ABI3BP: variants seen among roughly 807,000 people sequenced by gnomAD.
ABI3BP encodes target of Nesh-SH3.
In ABI3BP, 216 loss-of-function variants were observed where a neutral mutation model predicts 268.6. The ratio of observed to expected loss-of-function variants is 0.80; its 90% CI spans 0.72 to 0.90. ABI3BP has a LOEUF of 0.90. Ranked by LOEUF, ABI3BP falls within the 40% of genes least tolerant of loss-of-function variation. The probability of loss-of-function intolerance (pLI) is 0.00; values close to 1 mark genes in which losing one functional copy is unlikely to be tolerated. For synonymous variants in ABI3BP, 730 were observed against 730.0 expected (o/e 1.00, Z 0.00); for missense variants, 2,090 against 2,182.4 (o/e 0.96, Z 0.84).
At chr3:100,768,235 C>T (rs1026673377) in intron 62 of ABI3BP, among the ~76,000 whole-genome samples, 8 of 151,978 alleles carry the variant, frequency 5.3e-5, no homozygotes, top group Admixed American at 2.6e-4. Context: ...GCTACAGGCG[C>T]CCGCCACCAC....
intron 14 of ABI3BP, among the ~76,000 whole-genome samples, chr3:100,859,037 G>A (rs2098968540): frequency 6.6e-6 from 1 of 152,042 alleles, no homozygotes; most frequent in Non-Finnish European, 1.5e-5. Context: ...TACTGCCTTG[G>A]ACCCTTCCCT....
intron 21 of ABI3BP, among the ~76,000 whole-genome samples, chr3:100,841,388 C>A (rs2098700367): frequency 5.3e-5 from 8 of 151,720 alleles, no homozygotes; most frequent in Admixed American, 5.3e-4. Flanking sequence ...TAAATATATC[C>A]TATGAAAGTC....
At position 100,894,965 on chromosome 3, in the gene ABI3BP, A is replaced by AAAAAAC. The variant is rs760156604; in HGVS notation, c.461+3796_461+3797insGTTTTT. Among the ~76,000 whole-genome samples, 31 of 120,874 alleles carry AAAAAAC rather than the reference A, an allele frequency of 2.6e-4. 1 individual carries two copies. Among genetic ancestry groups the AAAAAAC allele is most frequent in the Non-Finnish European group, 4.7e-4 (24 of 51,386 alleles). 79.3% of individuals were successfully genotyped at this position (120,874 alleles called of 152,430 possible). A position where few individuals can be genotyped will look rare whatever the true frequency, so the allele number is the denominator to read the frequency against. On this transcript the variant is annotated intron_variant, in intron 4 of 67. Coordinates refer to ENST00000471714, the MANE Select transcript of ABI3BP (RefSeq NM_001375547.2). ...AAAAAAAAAAAAAAAAAAAAAAAAAAAACAGAAAAAAAAAACACAAGATGA... is the reference window on the plus strand; with the variant it reads ...AAAAAAAAAAAAAAAAAAAAAAAAAAAAAAACAACAGAAAAAAAAAACACAAGATGA...
rs10936352 is a variant in ABI3BP, at chr3:100,754,661, C to T, written c.4881G>A (p.Pro1627=). 596,671 of 1,589,116 alleles carry T rather than the reference C, an allele frequency of 0.38. 117,207 individuals are homozygous for T. The highest frequency in any genetic ancestry group is 0.48 in the South Asian group (42,008 of 87,056). Residue 1627 remains proline, a synonymous_variant, in exon 64 of 68, where the codon CCG becomes CCA. Transcript: ENST00000471714. ...TGTTGCTGACCGGGCCTTCACCAAG[C>T]GGGTTTTTGGGTTTCACCTGGAATT... ...SYEFQVKPKN[P]LGEGPVSNTV... is the part of the protein sequence containing the mutation.
intron 62 of ABI3BP, among the ~76,000 whole-genome samples, chr3:100,767,773 AG>A (rs1559915827): frequency 6.6e-6 from 1 of 152,160 alleles, no homozygotes; most frequent in Non-Finnish European, 1.5e-5. Context: ...TATTTTTCAT[AG>A]ATTTTGTTCA....
At chr3:100,886,104 A>T in intron 5 of ABI3BP, 38 bp downstream of exon 5, 1 of 1,489,582 alleles carries the variant, frequency 6.7e-7, no homozygotes, top group South Asian at 1.4e-5. Context: ...GAAAAAAATT[A>T]TAAAAGCTTA....
Position 100,846,368 on chromosome 3 carries a change from T to G in ABI3BP, c.1723+4A>C. On this transcript the variant is annotated splice_donor_region_variant and intron_variant, in intron 20 of 67. Transcript: ENST00000471714. ...GAATATTCAAAAAAGTTTAGGGTAA[T>G]TACCAGGTTTGGTGTGTGTCACTTC... 1 of 1,579,316 alleles carries G rather than the reference T, an allele frequency of 6.3e-7. No individual in the cohort carries two copies. Among genetic ancestry groups the G allele is most frequent in the South Asian group, 1.2e-5 (1 of 83,920 alleles).
chr3:100,808,879 G>A (rs2097779029), intron 49 of ABI3BP, among the ~76,000 whole-genome samples: 1 of 152,036 alleles, frequency 6.6e-6, no homozygotes, highest in South Asian at 2.1e-4. Flanking sequence ...CCTGCTGAAG[G>A]AAAGGAATTA....
chr3:100,782,652 A>G (rs572703283), intron 57 of ABI3BP, among the ~76,000 whole-genome samples: 108 of 152,294 alleles, frequency 7.1e-4, no homozygotes, highest in Non-Finnish European at 1.1e-3. Flanking sequence ...CACCCGGGCC[A>G]GAACTGGAGA....
chr3:100,958,158 A>G (rs1176048128), intron 1 of ABI3BP, among the ~76,000 whole-genome samples: 1 of 152,210 alleles, frequency 6.6e-6, no homozygotes. Context: ...ATATAAGACA[A>G]TGAGTTTCAT....
chr3:100,900,104 A>G (rs2049519265), intron 3 of ABI3BP, among the ~76,000 whole-genome samples: 1 of 152,246 alleles, frequency 6.6e-6, no homozygotes, highest in Non-Finnish European at 1.5e-5. Context: ...GTTGACTTTT[A>G]AAGATGTTTG....
In ABI3BP at chr3:100,837,683, G is replaced by A. The variant is rs147393205; in HGVS notation, c.2084-512C>T. On this transcript the variant is annotated intron_variant, in intron 26 of 67. Transcript: ENST00000471714. Reference sequence around the variant, plus strand: ...TAGGCAGGAGAATCACTTGAACCTGGGAGGCAGAAGTTTCAGTGAGCCGGT... The same window carrying A: ...TAGGCAGGAGAATCACTTGAACCTGAGAGGCAGAAGTTTCAGTGAGCCGGT... 5.7e-3 allele frequency among the ~76,000 whole-genome samples: 873 copies of A among 152,196 alleles called. 10 individuals are homozygous for A. The highest frequency in any genetic ancestry group is 0.02 in the African/African-American group (825 of 41,512).
chr3:100,952,196 G>A (rs1020613465), intron 1 of ABI3BP, among the ~76,000 whole-genome samples: 37 of 152,148 alleles, frequency 2.4e-4, no homozygotes, highest in African/African-American at 8.9e-4. Context: ...AACATTTTAA[G>A]TTCACAATAC....
Position 100,847,669 on chromosome 3 carries a change from T to G in ABI3BP, c.1581A>C (p.Arg527Ser), listed in dbSNP as rs1396470659. Reference sequence around the variant, plus strand: ...GTGTAATTGTTCCGGCACTTGTGGTTCTTTCTGGTGATGGAAAGGAAAAAA... The same window carrying G: ...GTGTAATTGTTCCGGCACTTGTGGTGCTTTCTGGTGATGGAAAGGAAAAAA... ...RPKPPRTKPE[R>S]TTSAGTITPK... Residue 527 changes from arginine to serine, a missense_variant, in exon 19 of 68, where the codon AGA (arginine) becomes AGC (serine). Arg to Ser is a moderately radical substitution (Grantham distance 110, BLOSUM62 -1). Transcript: ENST00000471714. 3 of 1,613,536 alleles carry G rather than the reference T, an allele frequency of 1.9e-6. No homozygotes were observed. Among genetic ancestry groups the G allele is most frequent in the Non-Finnish European group, 2.5e-6 (3 of 1,179,482 alleles).
At position 100,795,806 on chromosome 3, in the gene ABI3BP, A is replaced by G. The variant is rs1375088693; in HGVS notation, c.3863T>C (p.Ile1288Thr). 5 of 1,287,772 alleles carry G rather than the reference A, an allele frequency of 3.9e-6. No individual in the cohort carries two copies. Among genetic ancestry groups the G allele is most frequent in the South Asian group, 3.7e-5 (3 of 80,806 alleles). The allele number at this position is 1,287,772 out of a possible 1,614,324, so 79.8% of individuals were successfully genotyped here. The part of the protein sequence containing the change: ...TFRFEPPKTT[I>T]APLETRGIPF... ...GGTCAATATGGGAAAACCATTACCT[A>G]TTGTTGTCTTTGGTGGCTCAAATCT... The change falls in exon 53 of 68, where the codon ATA becomes ACA. Residue 1288 changes from isoleucine to threonine, a missense_variant and splice_region_variant. Transcript: ENST00000471714.
intron 2 of ABI3BP, among the ~76,000 whole-genome samples, chr3:100,907,964 A>C (rs2054255240): frequency 1.3e-5 from 2 of 151,870 alleles, no homozygotes. Flanking sequence ...AAAATACAAA[A>C]AATTAGCCGG....
At chr3:100,874,811 A>G (rs1423512780) in intron 9 of ABI3BP, 30 bp downstream of exon 9, 4 of 1,378,596 alleles carry the variant, frequency 2.9e-6, no homozygotes, top group Non-Finnish European at 4.0e-6. Flanking sequence ...CAGTTACTGC[A>G]AAGTTCAAAT....
At position 100,850,673 on chromosome 3, in the gene ABI3BP, T is replaced by C; in HGVS notation, c.1413A>G (p.Pro471=). ...TAAAAACATTACCCAGTGTTGCCCT[T>C]GGCTGTTCAAGAGTTCTAGAAGTTT... is the stretch of plus-strand genomic sequence containing the variant. ...PPKTSRTLEQ[P]RATLAPSETP... is the part of the protein sequence containing the mutation. The change falls in exon 16 of 68, where the codon CCA becomes CCG. Residue 471 remains proline, a synonymous_variant. Coordinates refer to ENST00000471714, the MANE Select transcript of ABI3BP (RefSeq NM_001375547.2). 6.2e-7 allele frequency: 1 copy of C among 1,611,976 alleles called. No homozygotes were observed. The highest frequency in any genetic ancestry group is 1.1e-5 in the South Asian group (1 of 91,012).
At chr3:100,914,730 G>T (rs1312610574) in intron 2 of ABI3BP, among the ~76,000 whole-genome samples, 1 of 152,208 alleles carries the variant, frequency 6.6e-6, no homozygotes, top group East Asian at 1.9e-4. Flanking sequence ...ACGTTAAAGG[G>T]GGGAAAGAGG....
Sources: gnomAD v4.1 joint callset for allele counts (sites outside exome capture counted in the v4.1 genomes callset) on GRCh38, gnomAD v4.1.1 for gene constraint, MANE v1.5 for transcripts, NCBI Gene and HGNC (gene_info 2026-07-23, HGNC 2026-07-21) for gene names.